PHACTR2: variants seen among roughly 807,000 people sequenced by gnomAD.
The protein encoded by PHACTR2 is chromosome 6 open reading frame 56.
A neutral mutation model predicts 76.0 loss-of-function variants in PHACTR2; 30 were observed. That is an observed-to-expected ratio of 0.39 (90% confidence interval 0.30 to 0.54). The LOEUF (loss-of-function observed/expected upper bound fraction) is 0.54, where lower values mean the gene tolerates loss of function less well. PHACTR2 is among the 20% of genes least tolerant of loss of function. The pLI is 0.61. For synonymous variants in PHACTR2, 292 were observed against 292.5 expected, an observed-to-expected ratio of 1.00 and a Z score of 0.02; for missense variants, 696 against 781.1, an observed-to-expected ratio of 0.89 and a Z score of 1.30.
chr6:143,692,277 T>G (rs899548383), intron 1 of PHACTR2, among the ~76,000 whole-genome samples: 12 of 152,210 alleles, frequency 7.9e-5, no homozygotes, highest in African/African-American at 2.7e-4. Context: ...TTTGTGTTTT[T>G]CAAAATTTCT....
chr6:143,632,025 C>T (rs1296333405), intron 1 of PHACTR2, among the ~76,000 whole-genome samples: 1 of 152,100 alleles, frequency 6.6e-6, no homozygotes, highest in African/African-American at 2.4e-5. Flanking sequence ...ATGGATCAGC[C>T]CTTGGAACAG....
At chr6:143,560,689 A>C (rs989352460) in intron 1 of PHACTR2, among the ~76,000 whole-genome samples, 3 of 152,148 alleles carry the variant, frequency 2.0e-5, no homozygotes, top group African/African-American at 7.2e-5. Context: ...TTGCCAAGAG[A>C]GGTCACCCAG....
rs1249568191 is a variant in PHACTR2, at chr6:143,753,109, CT to C, written c.296-640del. 1.3e-5 allele frequency among the ~76,000 whole-genome samples: 2 copies of C among 151,102 alleles called. No individual in the cohort carries two copies. The highest frequency in any genetic ancestry group is 1.3e-4 in the Admixed American group (2 of 15,164). ...AATTATTTTTAGGACAACTTAGGGA[CT>C]TTTTGGCTAGTTATATATAATAATT... On this transcript the variant is annotated intron_variant, in intron 3 of 12. Transcript: ENST00000440869. The surrounding 1 kb of genome is among the most constrained non-coding windows in gnomAD (Gnocchi z 4.6).
chr6:143,721,172 C>A (rs899169737), intron 2 of PHACTR2, among the ~76,000 whole-genome samples: 1 of 152,126 alleles, frequency 6.6e-6, no homozygotes, highest in African/African-American at 2.4e-5. Flanking sequence ...AGTATCAAGT[C>A]CTATTGAGAC....
Position 143,608,676 on chromosome 6 carries a change from T to C in PHACTR2, c.13+354T>C, listed in dbSNP as rs1033455336. The stretch of plus-strand genomic sequence containing the variant: ...AAGGGATGGCACAAGGTAGATGGAA[T>C]TAAGTTAATGAGCTGAGCAAAAATT... On this transcript the variant is annotated intron_variant, in intron 1 of 11. Coordinates refer to the PHACTR2 transcript ENST00000305766. The surrounding 1 kb of genome is among the most constrained non-coding windows in gnomAD (Gnocchi z 4.6). Among the ~76,000 whole-genome samples, 2 of 152,218 alleles carry C rather than the reference T, an allele frequency of 1.3e-5. No homozygotes were observed. The highest frequency in any genetic ancestry group is 6.5e-5 in the Admixed American group (1 of 15,288).
chr6:143,541,066 TAG>T lies in PHACTR2; in HGVS notation c.217+3860_217+3861del, dbSNP rs1562678541. On this transcript the variant is annotated intron_variant, in intron 1 of 11. Coordinates refer to the PHACTR2 transcript ENST00000367584. This position sits in a 1 kb window ranked among gnomAD's most constrained non-coding sequence, Gnocchi z 5.3. ...TCAGCCTCCTGAGTAGCTGGTGTTATAGGCGCATGCCACTGCTCCCAGCCTTG... is the reference window on the plus strand; with the variant it reads ...TCAGCCTCCTGAGTAGCTGGTGTTATGCGCATGCCACTGCTCCCAGCCTTG... Among the ~76,000 whole-genome samples the T allele has an allele frequency of 6.6e-6, 1 of 152,252 alleles. No homozygotes were observed. Among genetic ancestry groups the T allele is most frequent in the Non-Finnish European group, 1.5e-5 (1 of 68,044 alleles).
At chr6:143,723,242 G>C (rs1264429165) in intron 2 of PHACTR2, among the ~76,000 whole-genome samples, 1 of 152,306 alleles carries the variant, frequency 6.6e-6, no homozygotes, top group Middle Eastern at 3.4e-3. Context: ...AGCCAGAAGA[G>C]AAGAGAACCA....
intron 2 of PHACTR2, among the ~76,000 whole-genome samples, chr6:143,727,703 A>G (rs1778606150): frequency 6.6e-6 from 1 of 152,138 alleles, no homozygotes; most frequent in Non-Finnish European, 1.5e-5. Context: ...CATTTCCCTG[A>G]TGATTAGTGG....
At chr6:143,701,846 A>G (rs180865617) in intron 1 of PHACTR2, among the ~76,000 whole-genome samples, 14 of 152,344 alleles carry the variant, frequency 9.2e-5, no homozygotes, top group Non-Finnish European at 1.8e-4. Flanking sequence ...AATAGGTCTT[A>G]ATGTGACCTA....
At chr6:143,747,681 G>T (rs1421195589) in intron 2 of PHACTR2, among the ~76,000 whole-genome samples, 3 of 152,160 alleles carry the variant, frequency 2.0e-5, no homozygotes, top group Non-Finnish European at 4.4e-5. Flanking sequence ...TAGCTTTCCT[G>T]CTCTTCAAAG....
At position 143,541,070 on chromosome 6, in the gene PHACTR2, C is replaced by T. The variant is rs531522392; in HGVS notation, c.217+3863C>T. 2.8e-4 allele frequency among the ~76,000 whole-genome samples: 42 copies of T among 152,308 alleles called. No homozygotes were observed. The highest frequency in any genetic ancestry group is 1.0e-3 in the South Asian group (5 of 4,822). On this transcript the variant is annotated intron_variant, in intron 1 of 11. Coordinates refer to the PHACTR2 transcript ENST00000367584. This position sits in a 1 kb window ranked among gnomAD's most constrained non-coding sequence, Gnocchi z 5.3. ...CCTCCTGAGTAGCTGGTGTTATAGG[C>T]GCATGCCACTGCTCCCAGCCTTGGA...
chr6:143,752,310 A>T, intron 3 of PHACTR2, among the ~76,000 whole-genome samples: 1 of 151,972 alleles, frequency 6.6e-6, no homozygotes, highest in Non-Finnish European at 1.5e-5. Context: ...GTGGTTTTCT[A>T]TTTTGTTTGG....
Position 143,713,400 on chromosome 6 carries a change from G to C in PHACTR2, c.214+1217G>C, listed in dbSNP as rs577270501. 5.9e-5 allele frequency among the ~76,000 whole-genome samples: 9 copies of C among 152,270 alleles called. No individual in the cohort carries two copies. The South Asian group carries it at 1.7e-3, about 28-fold the overall frequency. The stretch of plus-strand genomic sequence containing the variant: ...TGTTCAAGCTGGGCAATGGGTCCAT[G>C]GTGGTTATTATTCTCATTTCTCTGC... On this transcript the variant is annotated intron_variant, in intron 2 of 12. Coordinates refer to ENST00000440869, the MANE Select transcript of PHACTR2 (RefSeq NM_001100164.2).
chr6:143,609,264 G>A (rs1036727398), intron 1 of PHACTR2, among the ~76,000 whole-genome samples: 14 of 152,160 alleles, frequency 9.2e-5, no homozygotes, highest in Admixed American at 7.2e-4. Context: ...TTCAGTCCTC[G>A]GCACAGGTAG....
chr6:143,727,943 G>T (rs1778610627), intron 2 of PHACTR2, among the ~76,000 whole-genome samples: 1 of 152,110 alleles, frequency 6.6e-6, no homozygotes. Context: ...AGACAAGGAT[G>T]CCCACTTTCA....
chr6:143,566,407 C>T (rs1316110942), intron 1 of PHACTR2, among the ~76,000 whole-genome samples: 3 of 152,194 alleles, frequency 2.0e-5, no homozygotes, highest in Admixed American at 6.5e-5. Flanking sequence ...CATCCTCCCA[C>T]CTCAGCCTCA....
rs986052655 is a variant in PHACTR2 at position 143,654,636 on chromosome 6, C to T, written c.13+46314C>T. 4.0e-5 allele frequency among the ~76,000 whole-genome samples: 6 copies of T among 151,876 alleles called. No individual in the cohort carries two copies. The highest frequency in any genetic ancestry group is 1.5e-4 in the African/African-American group (6 of 41,330). ...CCTGAGCAACATAGCAAGACTCCAT[C>T]TCTACAAAAAGTAAAAAATTAGCCA... On this transcript the variant is annotated intron_variant, in intron 1 of 11. Transcript: ENST00000305766. The surrounding 1 kb of genome is among the most constrained non-coding windows in gnomAD (Gnocchi z 4.6).
At chr6:143,817,396 A>G (rs531225210) in intron 12 of PHACTR2, among the ~76,000 whole-genome samples, 2 of 152,200 alleles carry the variant, frequency 1.3e-5, no homozygotes, top group Non-Finnish European at 2.9e-5. Flanking sequence ...TCCTGGAGGT[A>G]CAATGCACTG....
chr6:143,760,667 G>C lies in PHACTR2; in HGVS notation c.694+27G>C. On this transcript the variant is annotated intron_variant, in intron 5 of 12. Transcript: ENST00000440869. The surrounding 1 kb of genome is among the most constrained non-coding windows in gnomAD (Gnocchi z 6.4). ...TGAGTATGCCCCCAGTGCCCTGTGG[G>C]GTCACTTCTAGGGTGCTTGGCTCTG... 1.2e-6 allele frequency: 2 copies of C among 1,612,400 alleles called. No individual in the cohort carries two copies. Among genetic ancestry groups the C allele is most frequent in the Non-Finnish European group, 1.7e-6 (2 of 1,179,196 alleles).
Sources: gnomAD v4.1 joint callset for allele counts (sites outside exome capture counted in the v4.1 genomes callset) on GRCh38, gnomAD v4.1.1 for gene constraint, Gnocchi (gnomAD v3.1) non-coding constraint, MANE v1.5 for transcripts, NCBI Gene and HGNC (gene_info 2026-07-23, HGNC 2026-07-21) for gene names.